NELL1: variants seen among roughly 807,000 people sequenced by gnomAD.
NELL1 encodes the protein neural EGFL like 1.
A neutral mutation model predicts 107.4 loss-of-function variants in NELL1; 76 were observed. The ratio of observed to expected loss-of-function variants is 0.71; its 90% confidence interval spans 0.59 to 0.86. The LOEUF (loss-of-function observed/expected upper bound fraction) is 0.86. Among genes scored for constraint, NELL1 ranks in the 40% least tolerant of loss-of-function variants. The probability of loss-of-function intolerance (pLI) is 0.00; values close to 1 mark genes in which losing one functional copy is unlikely to be tolerated. For missense variants in NELL1, 1,024 were observed against 1,005.5 expected (o/e 1.02, Z -0.25); for synonymous variants, 353 against 341.2 (o/e 1.03, Z -0.38).
chr11:21,118,398 A>T (rs1255082656), intron 13 of NELL1, among the ~76,000 whole-genome samples: 1 of 152,008 alleles, frequency 6.6e-6, no homozygotes, highest in Non-Finnish European at 1.5e-5. Flanking sequence ...GAATGCTGAC[A>T]TTTATTTTGT....
intron 2 of NELL1, among the ~76,000 whole-genome samples, chr11:20,689,315 A>G (rs1182223623): frequency 4.0e-5 from 6 of 151,624 alleles, no homozygotes; most frequent in East Asian, 3.9e-4. Flanking sequence ...TTTAAGTTTT[A>G]GGGTACATGT....
chr11:21,161,461 T>C (rs977327711), intron 13 of NELL1, among the ~76,000 whole-genome samples: 8 of 152,202 alleles, frequency 5.3e-5, no homozygotes, highest in African/African-American at 1.9e-4. Context: ...TGCTTGAGCC[T>C]GGGAGGAGGA....
intron 9 of NELL1, 35 bp from the exon 10 acceptor site, chr11:20,937,751 A>G (rs896076196): frequency 2.6e-6 from 4 of 1,535,818 alleles, no homozygotes; most frequent in Non-Finnish European, 3.6e-6. Context: ...GTGGCACAGC[A>G]GGACTGTCTG....
At chr11:20,870,054 T>G (rs769492301) in intron 4 of NELL1, among the ~76,000 whole-genome samples, 1 of 152,220 alleles carries the variant, frequency 6.6e-6, no homozygotes, top group African/African-American at 2.4e-5. Context: ...ACTTCACTTA[T>G]GCCTGTTTAT....
chr11:20,782,788 G>A lies in NELL1; in HGVS notation c.185-892G>A, dbSNP rs116181795. Among the ~76,000 whole-genome samples, 587 of 152,266 alleles carry A rather than the reference G, an allele frequency of 3.9e-3. 2 individuals are homozygous for A. The highest frequency in any genetic ancestry group is 0.014 in the African/African-American group (564 of 41,550). On this transcript the variant is annotated intron_variant, in intron 2 of 19. Coordinates refer to ENST00000357134, the MANE Select transcript of NELL1 (RefSeq NM_006157.5). ...CCTCTGAATAATCTTCTCTAACTTTGCTCCCTTAGTGCCCCTTTCTGATGC... is the reference window on the plus strand; with the variant it reads ...CCTCTGAATAATCTTCTCTAACTTTACTCCCTTAGTGCCCCTTTCTGATGC...
At chr11:21,418,970 G>A (rs904348346) in intron 15 of NELL1, among the ~76,000 whole-genome samples, 1 of 152,102 alleles carries the variant, frequency 6.6e-6, no homozygotes, top group African/African-American at 2.4e-5. Context: ...AGCATGACTA[G>A]CCTAAAATTA....
intron 16 of NELL1, among the ~76,000 whole-genome samples, chr11:21,547,186 T>A (rs934249435): frequency 9.2e-5 from 14 of 152,086 alleles, no homozygotes; most frequent in Admixed American, 3.3e-4. Context: ...TATATGGTAA[T>A]CTTTCACAGA....
intron 15 of NELL1, among the ~76,000 whole-genome samples, chr11:21,455,311 T>A (rs531962002): frequency 0.016 from 2,082 of 128,826 alleles, 49 homozygotes; most frequent in African/African-American, 0.056. Context: ...CTTTTTTTTT[T>A]CTTTTATTCT....
chr11:21,332,858 G>A (rs1274243190), intron 14 of NELL1, among the ~76,000 whole-genome samples: 1 of 151,914 alleles, frequency 6.6e-6, no homozygotes, highest in African/African-American at 2.4e-5. Context: ...TTTCATGGGT[G>A]TTTGAGGGGC....
intron 13 of NELL1, among the ~76,000 whole-genome samples, chr11:21,151,816 G>A (rs1043031676): frequency 6.6e-6 from 1 of 152,080 alleles, no homozygotes; most frequent in Non-Finnish European, 1.5e-5. Flanking sequence ...CAATGTTTTG[G>A]CAAAAGTCAA....
At chr11:21,160,885 T>C (rs1856350102) in intron 13 of NELL1, among the ~76,000 whole-genome samples, 1 of 152,046 alleles carries the variant, frequency 6.6e-6, no homozygotes, top group Non-Finnish European at 1.5e-5. Flanking sequence ...CTCTTTAAGA[T>C]ATAGGTCTTT....
At chr11:21,285,257 C>T (rs1196768606) in intron 14 of NELL1, among the ~76,000 whole-genome samples, 2 of 152,178 alleles carry the variant, frequency 1.3e-5, no homozygotes, top group African/African-American at 4.8e-5. Flanking sequence ...ATATTATATA[C>T]TGAATAAATC....
intron 2 of NELL1, among the ~76,000 whole-genome samples, chr11:20,694,523 G>T (rs77426804): frequency 3.5e-3 from 538 of 152,104 alleles, no homozygotes; most frequent in Middle Eastern, 6.8e-3. Context: ...TGAATAGGGG[G>T]TCCTTTCCCC....
At chr11:20,678,131 G>T in intron 2 of NELL1, 71 bp downstream of exon 2, 1 of 1,561,784 alleles carries the variant, frequency 6.4e-7, no homozygotes, top group South Asian at 1.1e-5. Flanking sequence ...GTGCTCATTT[G>T]TTGTGTGTTT....
chr11:21,061,693 A>G (rs1460617341), intron 12 of NELL1, among the ~76,000 whole-genome samples: 1 of 152,128 alleles, frequency 6.6e-6, no homozygotes, highest in Non-Finnish European at 1.5e-5. Context: ...AAAGGGAGAT[A>G]GTCTTCGCTG....
chr11:21,142,497 A>G (rs1855890789), intron 13 of NELL1, among the ~76,000 whole-genome samples: 1 of 152,218 alleles, frequency 6.6e-6, no homozygotes, highest in South Asian at 2.1e-4. Flanking sequence ...TAAAAATAGG[A>G]TGGGACAGAG....
chr11:20,692,954 A>T (rs1306021415), intron 2 of NELL1, among the ~76,000 whole-genome samples: 1 of 152,120 alleles, frequency 6.6e-6, no homozygotes, highest in Non-Finnish European at 1.5e-5. Context: ...GACTTGCTTT[A>T]TGAATCTGGG....
intron 14 of NELL1, among the ~76,000 whole-genome samples, chr11:21,239,907 GAT>G (rs1400888351): frequency 1.3e-5 from 2 of 151,988 alleles, no homozygotes; most frequent in Non-Finnish European, 2.9e-5. Context: ...TTGCTCTGCT[GAT>G]AATGTAGAAA....
chr11:20,765,770 G>T (rs557562764), intron 2 of NELL1, among the ~76,000 whole-genome samples: 23 of 152,088 alleles, frequency 1.5e-4, no homozygotes, highest in Middle Eastern at 3.4e-3. Context: ...GAGTTTTGTT[G>T]GTCATATTAA....
Sources: allele counts gnomAD v4.1 joint callset (sites outside exome capture counted in the v4.1 genomes callset), GRCh38; gene constraint gnomAD v4.1.1; transcripts MANE v1.5; gene names NCBI Gene and HGNC (gene_info 2026-07-23, HGNC 2026-07-21).